Variants in TBCD observed in about 807,000 individuals in gnomAD.
The protein encoded by TBCD is tubulin folding cofactor D.
A neutral mutation model predicts 169.3 loss-of-function variants in TBCD; 105 were observed. That is an observed-to-expected ratio of 0.62 (90% CI 0.53 to 0.73). The LOEUF is 0.73. Ranked by LOEUF, TBCD falls within the 30% of genes least tolerant of loss-of-function variation. The probability of loss-of-function intolerance (pLI) is 0.00; values close to 1 mark genes in which losing one functional copy is unlikely to be tolerated. For missense variants in TBCD, 1,444 were observed against 1,600.1 expected, an observed-to-expected ratio of 0.90 and a Z score of 1.66; for synonymous variants, 700 against 643.9, an observed-to-expected ratio of 1.09 and a Z score of -1.32.
rs560536503 is a variant in TBCD at position 82,795,438 on chromosome 17, G to T, written c.772-2319G>T. The T allele has an allele frequency of 2.2e-5, 14 of 645,980 alleles. 1 individual carries two copies. In the East Asian group the frequency reaches 1.9e-3, roughly 88 times the overall value. The allele number at this position is 645,980 out of a possible 1,614,324, so 40.0% of individuals were successfully genotyped here. A position where few individuals can be genotyped will look rare whatever the true frequency, so the allele number is the denominator to read the frequency against. Reference sequence around the variant, plus strand: ...CCCACAGCTGCACAGCTGCTCTTCTGGTTTAGGTTCTGGCCTTTCCCACTG... The same window carrying T: ...CCCACAGCTGCACAGCTGCTCTTCTTGTTTAGGTTCTGGCCTTTCCCACTG... On this transcript the variant is annotated intron_variant, in intron 7 of 38. Transcript: ENST00000355528.
intron 37 of TBCD, 92 bp downstream of exon 37, chr17:82,939,568 C>CCTATCAGAGGGTTT: frequency 9.7e-7 from 1 of 1,030,132 alleles, no homozygotes; most frequent in Non-Finnish European, 1.5e-6. Flanking sequence ...CCAAAACCCT[C>CCTATCAGAGGGTTT]TGATAGGAGG....
chr17:82,883,938 C>A (rs1487576083), intron 14 of TBCD, among the ~76,000 whole-genome samples: 1 of 151,784 alleles, frequency 6.6e-6, no homozygotes, highest in Non-Finnish European at 1.5e-5. Flanking sequence ...GGTCGGCCAC[C>A]CCCAGCTCCC....
chr17:82,937,165 A>C, intron 34 of TBCD, 106 bp from the exon 35 acceptor site: 3 of 998,858 alleles, frequency 3.0e-6, no homozygotes, highest in Non-Finnish European at 4.6e-6. Flanking sequence ...GGCTTCTTGG[A>C]CTGAGCCACT....
chr17:82,882,767 A>G (rs2058448699), intron 14 of TBCD, among the ~76,000 whole-genome samples: 1 of 152,052 alleles, frequency 6.6e-6, no homozygotes, highest in African/African-American at 2.4e-5. Context: ...CCGGAGAGCA[A>G]GGCCAGTGGG....
intron 1 of TBCD, 137 bp from the exon 2 acceptor site, chr17:82,756,028 A>AG: frequency 1.3e-6 from 1 of 753,436 alleles, no homozygotes; most frequent in South Asian, 1.7e-5. Flanking sequence ...CTTTAGTGAG[A>AG]GGGGAGGTGT....
At chr17:82,841,322 T>G (rs1645945786) in intron 13 of TBCD, among the ~76,000 whole-genome samples, 1 of 150,940 alleles carries the variant, frequency 6.6e-6, no homozygotes, top group South Asian at 2.1e-4. Flanking sequence ...TTTAATTCCT[T>G]TTTTTTTTCT....
rs185247018 is a variant in TBCD at position 82,763,840 on chromosome 17, A to T, written c.236-125A>T. 83 of 754,038 alleles carry T rather than the reference A, an allele frequency of 1.1e-4. No individual in the cohort carries two copies. In the East Asian group the frequency reaches 2.1e-3, roughly 19 times the overall value. 46.7% of individuals were successfully genotyped at this position (754,038 alleles called of 1,614,324 possible). On this transcript the variant is annotated intron_variant, in intron 2 of 38. Transcript: ENST00000355528. ...TTGCCGCCTTGAAATTCTGGCTTCA[A>T]ATGATCCTCCCACCTTGGTCTCCCA...
intron 13 of TBCD, among the ~76,000 whole-genome samples, chr17:82,821,157 G>C (rs1276719904): frequency 6.6e-6 from 1 of 152,184 alleles, no homozygotes; most frequent in East Asian, 1.9e-4. Flanking sequence ...TGTCCAGACT[G>C]CTTTCAAATT....
intron 11 of TBCD, 45 bp downstream of exon 11, chr17:82,807,713 C>T (rs1044752868): frequency 7.3e-7 from 1 of 1,375,768 alleles, no homozygotes; most frequent in Non-Finnish European, 9.5e-7. Flanking sequence ...GTGGGCCGGC[C>T]TCTCCTGTGC....
At chr17:82,761,606 G>A (rs1163783929) in intron 2 of TBCD, among the ~76,000 whole-genome samples, 7 of 152,252 alleles carry the variant, frequency 4.6e-5, no homozygotes, top group Admixed American at 4.6e-4. Flanking sequence ...CATTCAGTAT[G>A]TGCTCTTTTT....
intron 4 of TBCD, among the ~76,000 whole-genome samples, 193 bp downstream of exon 4, chr17:82,766,561 C>G (rs1050645070): frequency 6.6e-6 from 1 of 151,870 alleles, no homozygotes; most frequent in Non-Finnish European, 1.5e-5. Flanking sequence ...AAATTATTTT[C>G]GTTTAAAATA....
intron 13 of TBCD, chr17:82,865,562 C>T: frequency 1.0e-6 from 1 of 985,260 alleles, no homozygotes. Context: ...GCACTGTGCA[C>T]AGCCCTCACC....
intron 17 of TBCD, among the ~76,000 whole-genome samples, chr17:82,898,604 C>T (rs1051574607): frequency 1.3e-5 from 2 of 149,120 alleles, no homozygotes; most frequent in Non-Finnish European, 1.5e-5. Flanking sequence ...TTTAGGGAAG[C>T]CTCCTGTTGG....
chr17:82,811,764 G>A (rs1224929881), intron 12 of TBCD, among the ~76,000 whole-genome samples: 2 of 152,228 alleles, frequency 1.3e-5, no homozygotes, highest in Non-Finnish European at 2.9e-5. Flanking sequence ...AGGAAGCCAG[G>A]AGTTGCTGGG....
intron 13 of TBCD, among the ~76,000 whole-genome samples, chr17:82,855,194 T>C (rs893772944): frequency 1.4e-5 from 2 of 145,800 alleles, no homozygotes; most frequent in Non-Finnish European, 3.0e-5. Context: ...CACCTGATGC[T>C]TCAAGACTGA....
chr17:82,882,809 C>T (rs1445340786), intron 14 of TBCD, among the ~76,000 whole-genome samples: 1 of 152,168 alleles, frequency 6.6e-6, no homozygotes, highest in African/African-American at 2.4e-5. Context: ...ACAGACAGTG[C>T]GAGACACAGG....
intron 13 of TBCD, among the ~76,000 whole-genome samples, chr17:82,829,085 C>G (rs936408684): frequency 6.7e-6 from 1 of 149,648 alleles, no homozygotes; most frequent in Non-Finnish European, 1.5e-5. Context: ...CACACGCACA[C>G]CCACACAATT....
intron 14 of TBCD, among the ~76,000 whole-genome samples, chr17:82,881,005 G>C (rs1675389966): frequency 6.6e-6 from 1 of 152,196 alleles, no homozygotes; most frequent in Non-Finnish European, 1.5e-5. Flanking sequence ...CCTCAGGGCA[G>C]GGAGGCCAGT....
rs555374300 is a variant in TBCD at position 82,758,217 on chromosome 17, C to T, written c.235+2002C>T. Among the ~76,000 whole-genome samples, 480 of 151,234 alleles carry T rather than the reference C, an allele frequency of 3.2e-3. 4 individuals carry two copies. Among genetic ancestry groups the T allele is most frequent in the African/African-American group, 0.011 (454 of 41,222 alleles). On this transcript the variant is annotated intron_variant, in intron 2 of 38. Coordinates refer to ENST00000355528, the MANE Select transcript of TBCD (RefSeq NM_005993.5). The stretch of plus-strand genomic sequence containing the variant: ...CAGCCTGACCAACATAGTGAAACCC[C>T]GTATCTACTAAAAATGCAAAAATTA...
Sources: allele counts gnomAD v4.1 joint callset (sites outside exome capture counted in the v4.1 genomes callset), GRCh38; gene constraint gnomAD v4.1.1; transcripts MANE v1.5; gene names NCBI Gene and HGNC (gene_info 2026-07-23, HGNC 2026-07-21).